The following CARD10 variants were observed in gnomAD, a reference collection of about 807,000 sequenced individuals.
CARD10 encodes the protein caspase recruitment domain family member 10.
Under a neutral mutation model 114.6 loss-of-function variants are expected in CARD10, and 49 were observed. That is an observed-to-expected ratio of 0.43 (90% confidence interval 0.34 to 0.54). CARD10 has a LOEUF of 0.54. Ranked by LOEUF, CARD10 falls within the 20% of genes least tolerant of loss-of-function variation. The probability of loss-of-function intolerance (pLI) is 0.03; values close to 1 mark genes in which losing one functional copy is unlikely to be tolerated. For missense variants in CARD10, 1,206 were observed against 1,397.2 expected (o/e 0.86, Z 2.18); for synonymous variants, 602 against 593.2 (o/e 1.01, Z -0.21).
chr22:37,518,162 G>T, intron 1 of CARD10, 54 bp from the exon 2 acceptor site: 1 of 1,580,304 alleles, frequency 6.3e-7, no homozygotes. Flanking sequence ...CTCCCCAGGT[G>T]CCTGGTTGCT....
At position 37,492,416 on chromosome 22, in the gene CARD10, G is replaced by T. The variant is rs757341362; in HGVS notation, c.2751+19C>A. ...TGGGCCACCTCTGTGAGCACCCCAG[G>T]CCAGCCCCCAGCACCCACCTTCCCA... On this transcript the variant is annotated intron_variant, in intron 18 of 19. Transcript: ENST00000251973. The surrounding 1 kb of genome is among the most constrained non-coding windows in gnomAD (Gnocchi z 5.7). 1.3e-6 allele frequency: 2 copies of T among 1,520,682 alleles called. No individual in the cohort carries two copies. The highest frequency in any genetic ancestry group is 1.8e-6 in the Non-Finnish European group (2 of 1,129,430). 94.2% of individuals were successfully genotyped at this position (1,520,682 alleles called of 1,614,324 possible). A position where few individuals can be genotyped will look rare whatever the true frequency, so the allele number is the denominator to read the frequency against.
chr22:37,497,479 C>T (rs1329036294), intron 11 of CARD10, among the ~76,000 whole-genome samples: 3 of 152,180 alleles, frequency 2.0e-5, no homozygotes, highest in African/African-American at 4.8e-5. Context: ...TCCATCAGAA[C>T]GAACACCTTC....
chr22:37,505,327 G>T (rs570494825), intron 7 of CARD10, among the ~76,000 whole-genome samples: 4 of 152,018 alleles, frequency 2.6e-5, no homozygotes, highest in Admixed American at 1.3e-4. Context: ...TATTCCTCCA[G>T]GCCCCAGTGC....
At chr22:37,499,892 C>T (rs1446059319) in intron 11 of CARD10, among the ~76,000 whole-genome samples, 1 of 152,082 alleles carries the variant, frequency 6.6e-6, no homozygotes, top group African/African-American at 2.4e-5. Context: ...ACTGGCTGAC[C>T]AGCTGGCTGC....
At position 37,490,991 on chromosome 22, in the gene CARD10, T is replaced by C. The variant is rs2145748086; in HGVS notation, c.*168A>G. The C allele has an allele frequency of 1.6e-6, 1 of 610,780 alleles. No individual in the cohort carries two copies. The highest frequency in any genetic ancestry group is 2.0e-5 in the South Asian group (1 of 49,714). The allele number at this position is 610,780 out of a possible 1,614,324, so 37.8% of individuals were successfully genotyped here. On this transcript the variant is annotated 3_prime_UTR_variant, in exon 20 of 20. Coordinates refer to ENST00000251973, the MANE Select transcript of CARD10 (RefSeq NM_014550.4). ...TGGGCACTCTGTCCCGGGACTCCCATAGGCTCGGCAGGGCCAGAGACAGCC... is the reference window on the plus strand; with the variant it reads ...TGGGCACTCTGTCCCGGGACTCCCACAGGCTCGGCAGGGCCAGAGACAGCC...
chr22:37,494,384 G>A (rs1254073236), intron 15 of CARD10, 196 bp from the exon 16 acceptor site: 1 of 591,940 alleles, frequency 1.7e-6, no homozygotes, highest in Non-Finnish European at 3.0e-6. Context: ...CAGTCCCCCA[G>A]GCAGATGAGA....
chr22:37,511,502 AAAGAAGG>A (rs1427196350), intron 3 of CARD10, among the ~76,000 whole-genome samples: 1 of 148,494 alleles, frequency 6.7e-6, no homozygotes, highest in Non-Finnish European at 1.5e-5. Flanking sequence ...TGGGAGGAGG[AAAGAAGG>A]AAGAAGGAAG....
chr22:37,490,806 T>C lies in CARD10; in HGVS notation c.*353A>G. The C allele has an allele frequency of 3.9e-6, 1 of 258,960 alleles. No individual in the cohort carries two copies. Among genetic ancestry groups the C allele is most frequent in the Non-Finnish European group, 7.4e-6 (1 of 135,400 alleles). The allele number at this position is 258,960 out of a possible 1,614,324, so 16.0% of individuals were successfully genotyped here. Reference sequence around the variant, plus strand: ...CAGGGCAGCGGGACAGACCTGAGCCTGCCCATGAGAACTTGAGTGTGCAAA... The same window carrying C: ...CAGGGCAGCGGGACAGACCTGAGCCCGCCCATGAGAACTTGAGTGTGCAAA... On this transcript the variant is annotated 3_prime_UTR_variant, in exon 20 of 20. Coordinates refer to ENST00000251973, the MANE Select transcript of CARD10 (RefSeq NM_014550.4).
rs529253494 is a variant in CARD10 at position 37,506,906 on chromosome 22, C to T, written c.1192-523G>A. On this transcript the variant is annotated intron_variant, in intron 6 of 19. Transcript: ENST00000251973. The stretch of plus-strand genomic sequence containing the variant: ...GATTCCTGGGGCCCACCCCAGACCA[C>T]CTGAATCAGAACGTCCAGAGAATGA... Among the ~76,000 whole-genome samples the T allele has an allele frequency of 9.8e-5, 15 of 152,348 alleles. 1 individual carries two copies. In the South Asian group the frequency reaches 2.9e-3, roughly 29 times the overall value.
In CARD10 at chr22:37,491,270, G is replaced by A. The variant is rs746195174; in HGVS notation, c.2988C>T (p.His996=). The A allele has an allele frequency of 7.1e-5, 112 of 1,569,630 alleles. No homozygotes were observed. In the South Asian group the frequency reaches 8.7e-4, roughly 12 times the overall value. Residue 996 remains histidine (H), a synonymous_variant, in exon 20 of 20, where the codon CAC becomes CAT. Coordinates refer to ENST00000251973, the MANE Select transcript of CARD10 (RefSeq NM_014550.4). ...GCACCACCTTGGCCAGCTCCTCTGC[G>A]TGTCCCCACTCATGGGCGGGCACCT... ...WVQVPAHEWG[H]AEELAKVVRG...
chr22:37,493,072 TG>T (rs1347291246), intron 16 of CARD10, among the ~76,000 whole-genome samples: 1 of 152,162 alleles, frequency 6.6e-6, no homozygotes, highest in Non-Finnish European at 1.5e-5. Context: ...TTAACTCCCC[TG>T]CTTTCAACAC....
intron 2 of CARD10, 94 bp from the exon 3 acceptor site, chr22:37,516,392 A>G (rs1326592329): frequency 1.2e-6 from 1 of 850,146 alleles, no homozygotes; most frequent in East Asian, 2.7e-5. Flanking sequence ...CCATAAAAAC[A>G]CTAGAGGGAA....
At chr22:37,512,494 C>CAA (rs1923696392) in intron 3 of CARD10, among the ~76,000 whole-genome samples, 1 of 150,372 alleles carries the variant, frequency 6.7e-6, no homozygotes, top group Non-Finnish European at 1.5e-5. Flanking sequence ...CACACACACA[C>CAA]ACACACACAC....
chr22:37,496,384 C>T lies in CARD10; in HGVS notation c.2059+65G>A. 1 of 1,210,846 alleles carries T rather than the reference C, an allele frequency of 8.3e-7. No homozygotes were observed. The highest frequency in any genetic ancestry group is 1.2e-6 in the Non-Finnish European group (1 of 836,654). 75.0% of individuals were successfully genotyped at this position (1,210,846 alleles called of 1,614,324 possible). A position where few individuals can be genotyped will look rare whatever the true frequency, so the allele number is the denominator to read the frequency against. On this transcript the variant is annotated intron_variant, in intron 13 of 19. Transcript: ENST00000251973. The surrounding 1 kb of genome is among the most constrained non-coding windows in gnomAD (Gnocchi z 4.1). ...TCTCAGGTCCTTGGTCCCTCCCCAC[C>T]CCATGCACCACGGGTTAGAGGACCC...
In CARD10 at chr22:37,497,027, G is replaced by A. The variant is rs1326518094; in HGVS notation, c.1939C>T (p.Pro647Ser). 1 of 1,612,808 alleles carries A rather than the reference G, an allele frequency of 6.2e-7. No individual in the cohort carries two copies. The highest frequency in any genetic ancestry group is 8.5e-7 in the Non-Finnish European group (1 of 1,179,492). Residue 647 changes from proline to serine, a missense_variant, in exon 12 of 20, where the codon CCA becomes TCA. Physicochemically the swap from Pro to Ser is moderately conservative, Grantham distance 74. Coordinates refer to ENST00000251973, the MANE Select transcript of CARD10 (RefSeq NM_014550.4). Reference sequence around the variant, plus strand: ...AGGAGGCAGGGCCTCACCTCTCTTGGTTCCATCCTGGCGGACCCAGGCCCA... The same window carrying A: ...AGGAGGCAGGGCCTCACCTCTCTTGATTCCATCCTGGCGGACCCAGGCCCA... ...LSGPGSARME[P>S]REQRVEAAGL... is the part of the protein sequence containing the mutation.
At chr22:37,509,186 C>A in intron 4 of CARD10, 1 of 1,428,340 alleles carries the variant, frequency 7.0e-7, no homozygotes, top group Admixed American at 2.7e-5. Context: ...TCATCCCCCA[C>A]TTCCTGTGTG....
At chr22:37,506,102 C>G in intron 7 of CARD10, 90 bp downstream of exon 7, 1 of 1,077,158 alleles carries the variant, frequency 9.3e-7, no homozygotes. Flanking sequence ...AGGTCTCCCA[C>G]CAGGGCCGGC....
At chr22:37,498,865 C>G (rs1172172713) in intron 11 of CARD10, among the ~76,000 whole-genome samples, 1 of 129,324 alleles carries the variant, frequency 7.7e-6, no homozygotes, top group African/African-American at 3.1e-5. Flanking sequence ...TAACACGAAG[C>G]TGACAATGAC....
At chr22:37,510,920 A>G (rs2145771855) in intron 3 of CARD10, among the ~76,000 whole-genome samples, 1 of 152,136 alleles carries the variant, frequency 6.6e-6, no homozygotes, top group East Asian at 1.9e-4. Context: ...CGTCTCTACT[A>G]AAAATACAAA....
Sources: allele counts gnomAD v4.1 joint callset (sites outside exome capture counted in the v4.1 genomes callset), GRCh38; gene constraint gnomAD v4.1.1; non-coding constraint Gnocchi (gnomAD v3.1); transcripts MANE v1.5; gene names NCBI Gene and HGNC (gene_info 2026-07-23, HGNC 2026-07-21).